The following ADAMDEC1 variants were observed in gnomAD, a reference collection of about 807,000 sequenced individuals.
ADAMDEC1 encodes the protein ADAM DEC1.
A neutral mutation model predicts 60.4 loss-of-function variants in ADAMDEC1; 62 were observed. The observed-to-expected ratio is 1.03, with a 90% CI of 0.84 to 1.27. The LOEUF is 1.27. ADAMDEC1 is among the 50% of genes most tolerant of loss of function. ADAMDEC1 has a pLI of 0.00. For synonymous variants in ADAMDEC1, 210 were observed against 195.1 expected, an observed-to-expected ratio of 1.08 and a Z score of -0.64; for missense variants, 595 against 565.0, an observed-to-expected ratio of 1.05 and a Z score of -0.54.
In ADAMDEC1 at chr8:24,398,939, G is replaced by T. The variant is rs1261129482; in HGVS notation, c.828G>T (p.Lys276Asn). The change falls in exon 9 of 14, where the codon AAG (lysine) becomes AAT (asparagine). Residue 276 changes from lysine to asparagine, a missense_variant. Transcript: ENST00000256412. ...VGMEIWSDGDKIKVVPSASTT... is the reference protein window; with the variant it reads ...VGMEIWSDGDNIKVVPSASTT... ...TGGAAATCTGGTCTGATGGGGATAA[G>T]ATAAAGGTGGTGCCCAGCGCAAGCA... 2 of 1,613,908 alleles carry T rather than the reference G, an allele frequency of 1.2e-6. No individual in the cohort carries two copies. Among genetic ancestry groups the T allele is most frequent in the African/African-American group, 2.7e-5 (2 of 75,044 alleles).
rs1314238195 is a variant in ADAMDEC1, at chr8:24,399,001, A to C, written c.890A>C (p.Asn297Thr). 1.2e-6 allele frequency: 2 copies of C among 1,613,566 alleles called. No homozygotes were observed. The highest frequency in any genetic ancestry group is 2.2e-5 in the South Asian group (2 of 91,030). ...FDNFLRWHSS[N>T]LGKKIHDHAQ... ...AACTTCCTGAGATGGCACAGTTCTA[A>C]CCTGGGGAAAAAGATCCACGACCAT... The change falls in exon 9 of 14, where the codon AAC (asparagine) becomes ACC (threonine). Residue 297 changes from asparagine to threonine, a missense_variant. Transcript: ENST00000256412.
At chr8:24,384,673 C>A in intron 1 of ADAMDEC1, 81 bp downstream of exon 1, 1 of 1,319,912 alleles carries the variant, frequency 7.6e-7, no homozygotes, top group South Asian at 1.4e-5. Flanking sequence ...AAAAAAATGG[C>A]ATATGTTTTT....
intron 9 of ADAMDEC1, 34 bp from the exon 10 acceptor site, chr8:24,399,359 A>G: frequency 6.3e-7 from 1 of 1,583,768 alleles, no homozygotes; most frequent in South Asian, 1.1e-5. Flanking sequence ...AAAGACTCAG[A>G]TTGTGACAGT....
chr8:24,402,244 C>G (rs1817784244), intron 12 of ADAMDEC1, 152 bp downstream of exon 12: 2 of 666,444 alleles, frequency 3.0e-6, no homozygotes, highest in Non-Finnish European at 2.4e-6. Flanking sequence ...ATTTAGTAAT[C>G]CTTTGAAAGG....
At chr8:24,399,850 T>C (rs916607575) in intron 10 of ADAMDEC1, among the ~76,000 whole-genome samples, 1 of 152,164 alleles carries the variant, frequency 6.6e-6, no homozygotes, top group Non-Finnish European at 1.5e-5. Context: ...AGAACTCCAG[T>C]GTCATAGGTA....
chr8:24,398,009 G>A lies in ADAMDEC1; in HGVS notation c.690+264G>A, dbSNP rs573297941. On this transcript the variant is annotated intron_variant, in intron 7 of 13. Transcript: ENST00000256412. ...ACCAAAAAAGAAAAATAAAAGGAAC[G>A]CATTATTAAAATATTGCAATACTTT... Among the ~76,000 whole-genome samples the A allele has an allele frequency of 2.3e-4, 35 of 151,250 alleles. No individual in the cohort carries two copies. In the South Asian group the frequency reaches 6.0e-3, roughly 26 times the overall value.
chr8:24,384,594 T>C lies in ADAMDEC1; in HGVS notation c.88+2T>C, dbSNP rs917903797. ...TTTGGCTCATTGTTCAAACTCAAGGTACGTACCATCACACCAGCATTTTAC... is the reference window on the plus strand; with the variant it reads ...TTTGGCTCATTGTTCAAACTCAAGGCACGTACCATCACACCAGCATTTTAC... On this transcript the variant is annotated splice_donor_variant, in intron 1 of 13. Transcript: ENST00000256412. LOFTEE classifies it high-confidence loss of function. 1.2e-6 allele frequency: 2 copies of C among 1,607,606 alleles called. No homozygotes were observed. The highest frequency in any genetic ancestry group is 1.7e-6 in the Non-Finnish European group (2 of 1,177,280).
chr8:24,393,296 T>A lies in ADAMDEC1; in HGVS notation c.242T>A (p.Ile81Asn). Reference sequence around the variant, plus strand: ...GAACCTGAAGTTCAATATCAGATGATCTTAAATGGAGAAGAAATCATTCTC... The same window carrying A: ...GAACCTGAAGTTCAATATCAGATGAACTTAAATGGAGAAGAAATCATTCTC... Reference protein sequence around the residue: ...RYEPEVQYQMILNGEEIILSL... With the variant: ...RYEPEVQYQMNLNGEEIILSL... The change falls in exon 3 of 14, where the codon ATC (isoleucine) becomes AAC (asparagine). Residue 81 changes from isoleucine to asparagine, a missense_variant. Transcript: ENST00000256412. 2 of 1,606,048 alleles carry A rather than the reference T, an allele frequency of 1.2e-6. No individual in the cohort carries two copies. The highest frequency in any genetic ancestry group is 2.2e-5 in the South Asian group (2 of 89,726).
Position 24,392,362 on chromosome 8 carries a change from A to G in ADAMDEC1, c.189A>G (p.Thr63=), listed in dbSNP as rs201348910. Residue 63 remains threonine (T), a synonymous_variant, in exon 2 of 14, where the codon ACA becomes ACG. Coordinates refer to ENST00000256412, the MANE Select transcript of ADAMDEC1 (RefSeq NM_014479.3). ...LHKREIKNNQ[T]EKHGKEERYE... is the part of the protein sequence containing the mutation. ...AAAGAGAGATCAAGAACAACCAGAC[A>G]GAAAAGCATGGCAAAGAGGTAAGCA... 3.4e-5 allele frequency: 55 copies of G among 1,610,608 alleles called. No homozygotes were observed. In the East Asian group the frequency reaches 9.2e-4, roughly 27 times the overall value.
At chr8:24,384,655 C>A in intron 1 of ADAMDEC1, 63 bp downstream of exon 1, 2 of 1,432,210 alleles carry the variant, frequency 1.4e-6, no homozygotes, top group South Asian at 1.3e-5. Context: ...GTTTAAAGTG[C>A]CTTTTGAAAA....
At chr8:24,392,146 A>G in intron 1 of ADAMDEC1, 116 bp from the exon 2 acceptor site, 2 of 654,716 alleles carry the variant, frequency 3.1e-6, no homozygotes. Flanking sequence ...TGCTCTCTAC[A>G]TAGGAATGTA....
At chr8:24,399,174 A>G in intron 9 of ADAMDEC1, 134 bp downstream of exon 9, 1 of 1,077,352 alleles carries the variant, frequency 9.3e-7, no homozygotes, top group South Asian at 1.6e-5. Context: ...CTAGCAATTC[A>G]CCTGTGACAT....
Position 24,399,393 on chromosome 8 carries a change from C to T in ADAMDEC1, c.930C>T (p.Ser310=), listed in dbSNP as rs770119001. The change falls in exon 10 of 14, where the codon AGC becomes AGT. Residue 310 remains serine (S), a splice_region_variant and synonymous_variant. Transcript: ENST00000256412. Reference sequence around the variant, plus strand: ...GTAGTATCTGTAACTTTTCATACAGCGGGATTAGCTTCAACAATCGACGTG... The same window carrying T: ...GTAGTATCTGTAACTTTTCATACAGTGGGATTAGCTTCAACAATCGACGTG... The part of the protein sequence containing the change: ...KKIHDHAQLL[S]GISFNNRRVG... 16 of 1,613,108 alleles carry T rather than the reference C, an allele frequency of 9.9e-6. No homozygotes were observed. Among genetic ancestry groups the T allele is most frequent in the Middle Eastern group, 1.6e-4 (1 of 6,076 alleles).
chr8:24,395,156 C>G (rs1817574248), intron 4 of ADAMDEC1, among the ~76,000 whole-genome samples: 1 of 152,204 alleles, frequency 6.6e-6, no homozygotes, highest in South Asian at 2.1e-4. Context: ...AGGGATTCCA[C>G]TAACAGACCA....
In ADAMDEC1 at chr8:24,399,394, G is replaced by A. The variant is rs147141552; in HGVS notation, c.931G>A (p.Gly311Arg). ...TAGTATCTGTAACTTTTCATACAGCGGGATTAGCTTCAACAATCGACGTGT... is the reference window on the plus strand; with the variant it reads ...TAGTATCTGTAACTTTTCATACAGCAGGATTAGCTTCAACAATCGACGTGT... ...KIHDHAQLLS[G>R]ISFNNRRVGL... is the part of the protein sequence containing the mutation. The change falls in exon 10 of 14, where the codon GGG becomes AGG. Residue 311 changes from glycine (G) to arginine (R), a missense_variant and splice_region_variant. Transcript: ENST00000256412. 6.8e-6 allele frequency: 11 copies of A among 1,613,430 alleles called. No individual in the cohort carries two copies. The highest frequency in any genetic ancestry group is 9.3e-6 in the Non-Finnish European group (11 of 1,179,508).
Position 24,405,177 on chromosome 8 carries a change from A to G in ADAMDEC1, c.1407-115A>G, listed in dbSNP as rs111446229. On this transcript the variant is annotated intron_variant, in intron 13 of 13. Transcript: ENST00000256412. The stretch of plus-strand genomic sequence containing the variant: ...AGCTAATGGTATAGTCTCTTAAATA[A>G]TATGAATTGTTATTCACATAATTTA... 26 of 1,094,456 alleles carry G rather than the reference A, an allele frequency of 2.4e-5. 2 individuals are homozygous for G. The highest frequency in any genetic ancestry group is 1.9e-4 in the African/African-American group (12 of 62,514). The allele number at this position is 1,094,456 out of a possible 1,614,324, so 67.8% of individuals were successfully genotyped here. A position where few individuals can be genotyped will look rare whatever the true frequency, so the allele number is the denominator to read the frequency against.
chr8:24,388,522 A>G (rs1338984772), intron 1 of ADAMDEC1, among the ~76,000 whole-genome samples: 1 of 151,974 alleles, frequency 6.6e-6, no homozygotes, highest in Non-Finnish European at 1.5e-5. Flanking sequence ...GGCATGAAAC[A>G]CACCATTTCA....
In ADAMDEC1 at chr8:24,384,465, T is replaced by C. The variant is rs1461918601; in HGVS notation, c.-40T>C. On this transcript the variant is annotated 5_prime_UTR_variant, in exon 1 of 14. Coordinates refer to ENST00000256412, the MANE Select transcript of ADAMDEC1 (RefSeq NM_014479.3). ...TCTTGTTCAACTTCTAAAGAGAAATTGGAGAAGATAAAACTGGACACTGGG... is the reference window on the plus strand; with the variant it reads ...TCTTGTTCAACTTCTAAAGAGAAATCGGAGAAGATAAAACTGGACACTGGG... The C allele has an allele frequency of 2.0e-6, 3 of 1,494,192 alleles. No homozygotes were observed. The highest frequency in any genetic ancestry group is 2.7e-6 in the Non-Finnish European group (3 of 1,103,642). 92.6% of individuals were successfully genotyped at this position (1,494,192 alleles called of 1,614,324 possible).
chr8:24,390,208 T>C, intron 1 of ADAMDEC1: 1 of 1,143,140 alleles, frequency 8.7e-7, no homozygotes, highest in Non-Finnish European at 1.2e-6. Flanking sequence ...ATAAAAGAAA[T>C]ATCAGAGAAG....
Sources: allele counts gnomAD v4.1 joint callset (sites outside exome capture counted in the v4.1 genomes callset), GRCh38; gene constraint gnomAD v4.1.1; transcripts MANE v1.5; gene names NCBI Gene and HGNC (gene_info 2026-07-23, HGNC 2026-07-21).